Variants in UGGT2 observed in about 807,000 individuals in gnomAD.
UGGT2 encodes the protein UDP-glucose:glycoprotein glucosyltransferase 2.
Under a neutral mutation model 192.1 loss-of-function variants are expected in UGGT2, and 180 were observed. That is an observed-to-expected ratio of 0.94 (90% CI 0.83 to 1.06). The LOEUF (loss-of-function observed/expected upper bound fraction) is 1.06. UGGT2 is among the 50% of genes least tolerant of loss of function. The pLI is 0.00. For missense variants in UGGT2, 1,849 were observed against 1,795.7 expected (o/e 1.03, Z -0.54); for synonymous variants, 580 against 591.0 (o/e 0.98, Z 0.27).
At chr13:95,899,930 A>C (rs572097304) in intron 22 of UGGT2, among the ~76,000 whole-genome samples, 217 of 152,272 alleles carry the variant, frequency 1.4e-3, no homozygotes, top group African/African-American at 4.8e-3. Context: ...AAACATTAAG[A>C]GTGCATTAGA....
At chr13:95,856,688 C>G in intron 33 of UGGT2, 1 of 420,372 alleles carries the variant, frequency 2.4e-6, no homozygotes, top group Non-Finnish European at 4.6e-6. Context: ...TCTTGGAACA[C>G]CTACATATCA....
At chr13:95,965,064 T>G (rs1449037330) in intron 12 of UGGT2, among the ~76,000 whole-genome samples, 15 of 150,700 alleles carry the variant, frequency 1.0e-4, no homozygotes, top group African/African-American at 2.4e-4. Context: ...CCAGTTAGAA[T>G]GGCGATCATT....
At chr13:95,928,516 G>T (rs995159104) in intron 17 of UGGT2, among the ~76,000 whole-genome samples, 95 of 152,122 alleles carry the variant, frequency 6.2e-4, no homozygotes, top group Non-Finnish European at 1.0e-4. Flanking sequence ...CCTCTCAGAC[G>T]GGGTGGTGGC....
At chr13:95,975,936 C>T (rs1449024383) in intron 10 of UGGT2, among the ~76,000 whole-genome samples, 1 of 152,114 alleles carries the variant, frequency 6.6e-6, no homozygotes, top group East Asian at 1.9e-4. Context: ...TATCCATCAT[C>T]TCAAATATTT....
chr13:95,896,533 T>G (rs1380681199), intron 22 of UGGT2, among the ~76,000 whole-genome samples: 1 of 152,102 alleles, frequency 6.6e-6, no homozygotes, highest in African/African-American at 2.4e-5. Flanking sequence ...ATCTTATCTA[T>G]ACTACCTCTA....
At chr13:95,867,471 A>G in intron 29 of UGGT2, 48 bp from the exon 30 acceptor site, 1 of 1,445,320 alleles carries the variant, frequency 6.9e-7, no homozygotes, top group Non-Finnish European at 9.6e-7. Context: ...ATAGACATAC[A>G]ATTATGATGG....
chr13:95,954,851 T>C (rs1038959677), intron 12 of UGGT2, among the ~76,000 whole-genome samples: 1 of 152,234 alleles, frequency 6.6e-6, no homozygotes, highest in African/African-American at 2.4e-5. Flanking sequence ...TGGCTCCAAA[T>C]GAATCTCTTC....
chr13:95,931,961 A>G (rs919917071), intron 17 of UGGT2, among the ~76,000 whole-genome samples: 1 of 152,186 alleles, frequency 6.6e-6, no homozygotes, highest in African/African-American at 2.4e-5. Context: ...GCTGAGAGTG[A>G]GCAAGGGCCA....
At chr13:95,948,885 G>A (rs914709538) in intron 13 of UGGT2, among the ~76,000 whole-genome samples, 19 of 152,164 alleles carry the variant, frequency 1.2e-4, no homozygotes, top group African/African-American at 4.3e-4. Flanking sequence ...GGACCCAGTA[G>A]GAGGTAATTA....
At chr13:95,998,178 T>C (rs984125303) in intron 6 of UGGT2, among the ~76,000 whole-genome samples, 18 of 152,164 alleles carry the variant, frequency 1.2e-4, no homozygotes, top group African/African-American at 4.3e-4. Context: ...GGCGAAGACA[T>C]ATTCCAAGTG....
chr13:96,001,325 G>A (rs185189173), intron 5 of UGGT2, among the ~76,000 whole-genome samples: 1 of 152,164 alleles, frequency 6.6e-6, no homozygotes. Context: ...GGCTCAAAAA[G>A]CTCCCCCACT....
At position 95,836,856 on chromosome 13, in the gene UGGT2, T is replaced by C. The variant is rs193096636; in HGVS notation, c.4401+230A>G. On this transcript the variant is annotated intron_variant, in intron 37 of 38. Coordinates refer to ENST00000376747, the MANE Select transcript of UGGT2 (RefSeq NM_020121.4). ...GTGATAAATCAAGCCATGAATATGA[T>C]TATATTTTGCATCTCATGAATCTCC... Among the ~76,000 whole-genome samples the C allele has an allele frequency of 2.0e-5, 3 of 152,266 alleles. No individual in the cohort carries two copies. The East Asian group carries it at 5.8e-4, about 29-fold the overall frequency.
At position 95,938,684 on chromosome 13, in the gene UGGT2, T is replaced by C. The variant is rs144006507; in HGVS notation, c.1812+1273A>G. On this transcript the variant is annotated intron_variant, in intron 16 of 38. Coordinates refer to ENST00000376747, the MANE Select transcript of UGGT2 (RefSeq NM_020121.4). The stretch of plus-strand genomic sequence containing the variant: ...TTATAGTTTAACAAGGATAAACTCC[T>C]CCACTCCTTTCCTTCTTGGCAATGG... Among the ~76,000 whole-genome samples the C allele has an allele frequency of 3.2e-3, 483 of 152,312 alleles. 3 individuals carry two copies. The highest frequency in any genetic ancestry group is 0.011 in the African/African-American group (461 of 41,562).
At chr13:95,963,120 C>G (rs944260640) in intron 12 of UGGT2, among the ~76,000 whole-genome samples, 5 of 151,930 alleles carry the variant, frequency 3.3e-5, no homozygotes, top group African/African-American at 1.2e-4. Context: ...ACAGCCAAAC[C>G]ATATCACTGA....
rs2140502604 is a variant in UGGT2, at chr13:95,935,642, T to C, written c.1977+1282A>G. ...TGACCTTGTATAGTATCTCACAGTG[T>C]TCTCTGAATTTCTTGTAACTGAACG... is the stretch of plus-strand genomic sequence containing the variant. On this transcript the variant is annotated intron_variant, in intron 17 of 38. Transcript: ENST00000376747. 2.6e-5 allele frequency among the ~76,000 whole-genome samples: 4 copies of C among 152,232 alleles called. No individual in the cohort carries two copies. The East Asian group carries it at 5.8e-4, about 22-fold the overall frequency.
chr13:95,909,290 GAC>G (rs1319724840), intron 20 of UGGT2, among the ~76,000 whole-genome samples: 1 of 152,004 alleles, frequency 6.6e-6, no homozygotes, highest in East Asian at 1.9e-4. Flanking sequence ...CTGCTATAAA[GAC>G]ACACGCACAC....
chr13:95,948,216 A>AATACACACAC, intron 13 of UGGT2, 135 bp from the exon 14 acceptor site: 1 of 391,938 alleles, frequency 2.6e-6, no homozygotes. Context: ...AATTCTAAGG[A>AATACACACAC]ATACACACAC....
At chr13:95,861,715 CAA>C (rs1398178577) in intron 31 of UGGT2, among the ~76,000 whole-genome samples, 1 of 151,998 alleles carries the variant, frequency 6.6e-6, no homozygotes, top group Non-Finnish European at 1.5e-5. Context: ...AAATCACCAT[CAA>C]AGTTATTTTG....
At chr13:95,973,483 A>C (rs554354070) in intron 10 of UGGT2, among the ~76,000 whole-genome samples, 1 of 152,338 alleles carries the variant, frequency 6.6e-6, no homozygotes, top group South Asian at 2.1e-4. Context: ...TGCCAAAAGT[A>C]AAACTTTGAT....
Sources: allele counts gnomAD v4.1 joint callset (sites outside exome capture counted in the v4.1 genomes callset), GRCh38; gene constraint gnomAD v4.1.1; transcripts MANE v1.5; gene names NCBI Gene and HGNC (gene_info 2026-07-23, HGNC 2026-07-21).